Variants in SYNCRIP observed in about 807,000 individuals in gnomAD.
SYNCRIP encodes heterogeneous nuclear ribonucleoprotein Q.
Under a neutral mutation model 68.9 loss-of-function variants are expected in SYNCRIP, and 9 were observed. That is an observed-to-expected ratio of 0.13 (90% CI 0.08 to 0.23). SYNCRIP has a LOEUF of 0.23. SYNCRIP is among the 10% of genes least tolerant of loss of function. The pLI is 1.00. For synonymous variants in SYNCRIP, 258 were observed against 254.0 expected, an observed-to-expected ratio of 1.02 and a Z score of -0.15; for missense variants, 414 against 770.6, an observed-to-expected ratio of 0.54 and a Z score of 5.48.
chr6:85,636,915 G>A (rs1808527422), intron 6 of SYNCRIP, 52 bp downstream of exon 6: 7 of 1,512,278 alleles, frequency 4.6e-6, no homozygotes, highest in Non-Finnish European at 5.3e-6. Context: ...AAAAAAACTT[G>A]ATATTAAAGA....
At chr6:85,620,044 C>T (rs748198893) in intron 8 of SYNCRIP, among the ~76,000 whole-genome samples, 16 of 152,050 alleles carry the variant, frequency 1.1e-4, no homozygotes, top group Non-Finnish European at 1.6e-4. Flanking sequence ...GTCAGGAGCT[C>T]GAGACCAGCC....
At chr6:85,627,801 G>GA (rs1807234643) in intron 6 of SYNCRIP, among the ~76,000 whole-genome samples, 1 of 152,114 alleles carries the variant, frequency 6.6e-6, no homozygotes, top group African/African-American at 2.4e-5. Flanking sequence ...GAACCAAATA[G>GA]AAAATGAAGA....
chr6:85,618,719 T>C, intron 10 of SYNCRIP, 99 bp downstream of exon 10: 1 of 984,338 alleles, frequency 1.0e-6, no homozygotes, highest in East Asian at 2.7e-5. Context: ...TTTAAAGAGA[T>C]GTTATGCATT....
intron 10 of SYNCRIP, among the ~76,000 whole-genome samples, chr6:85,617,762 C>T (rs149924721): frequency 5.3e-4 from 80 of 152,328 alleles, no homozygotes; most frequent in African/African-American, 1.9e-3. Context: ...CATCCTCTTC[C>T]TTTAAATTCC....
downstream of SYNCRIP, chr6:85,609,982 A>G (rs1056559486): frequency 6.6e-6 from 1 of 151,920 alleles, no homozygotes; most frequent in African/African-American, 2.4e-5. Context: ...ACATGTTGAC[A>G]TTTTTACTAA....
intron 6 of SYNCRIP, among the ~76,000 whole-genome samples, chr6:85,627,266 T>A (rs1473532115): frequency 7.4e-6 from 1 of 134,464 alleles, no homozygotes; most frequent in Non-Finnish European, 1.6e-5. Flanking sequence ...AGACTCCATC[T>A]CTACAAAAAA....
At chr6:85,638,643 A>G (rs1467607509) in intron 4 of SYNCRIP, among the ~76,000 whole-genome samples, 1 of 152,284 alleles carries the variant, frequency 6.6e-6, no homozygotes, top group African/African-American at 2.4e-5. Flanking sequence ...TTTCTACTCA[A>G]AGGACACTAA....
downstream of SYNCRIP, chr6:85,609,126 AT>A (rs1805049626): frequency 6.6e-6 from 1 of 151,896 alleles, no homozygotes; most frequent in East Asian, 1.9e-4. Context: ...CCAGATGAAA[AT>A]TTTGTGGTAT....
intron 8 of SYNCRIP, among the ~76,000 whole-genome samples, chr6:85,620,195 G>A (rs548866234): frequency 2.0e-5 from 3 of 152,292 alleles, no homozygotes; most frequent in Admixed American, 6.5e-5. Context: ...GCAGTAAGCC[G>A]AGATCGTGCC....
chr6:85,610,343 ACT>A (rs1347178074), downstream of SYNCRIP: 2 of 151,974 alleles, frequency 1.3e-5, no homozygotes, highest in East Asian at 1.9e-4. Flanking sequence ...TCAAATGAAC[ACT>A]GTCAAGTAAT....
At chr6:85,628,057 C>CT (rs911243786) in intron 6 of SYNCRIP, among the ~76,000 whole-genome samples, 38 of 149,384 alleles carry the variant, frequency 2.5e-4, no homozygotes, top group Non-Finnish European at 3.0e-4. Context: ...TTGAAGATTT[C>CT]TTTTTTTTTT....
intron 6 of SYNCRIP, among the ~76,000 whole-genome samples, chr6:85,633,688 T>C (rs192758396): frequency 0.017 from 2,587 of 152,192 alleles, 187 homozygotes; most frequent in Admixed American, 0.13. Flanking sequence ...ATTTTTTTTT[T>C]CCCCCTTTTT....
At chr6:85,612,092 TG>T (rs1805296832), downstream of SYNCRIP, 3 of 152,134 alleles carry the variant, frequency 2.0e-5, no homozygotes, top group Admixed American at 2.0e-4. Flanking sequence ...AAGCAAGGCC[TG>T]TTATGATGGT....
At chr6:85,639,476 T>C (rs117228923) in intron 4 of SYNCRIP, among the ~76,000 whole-genome samples, 1,682 of 152,244 alleles carry the variant, frequency 0.011, 21 homozygotes, top group Non-Finnish European at 0.018. Flanking sequence ...ATACCAACCT[T>C]TTCCATATTC....
At chr6:85,611,553 C>A (rs758872888), downstream of SYNCRIP, 1 of 152,456 alleles carries the variant, frequency 6.6e-6, no homozygotes, top group Non-Finnish European at 1.5e-5. Flanking sequence ...TACACCAAGT[C>A]CTAATGAAAC....
Position 85,614,170 on chromosome 6 carries a change from G to T in SYNCRIP, c.*586C>A. On this transcript the variant is annotated 3_prime_UTR_variant, in exon 11 of 11. Transcript: ENST00000369622. Reference sequence around the variant, plus strand: ...TATACAATTTGAACCAAATTTGCAGGAAATTTTGTGAAAAACGAATTGTAA... The same window carrying T: ...TATACAATTTGAACCAAATTTGCAGTAAATTTTGTGAAAAACGAATTGTAA... The T allele has an allele frequency of 1.0e-6, 1 of 985,786 alleles. No homozygotes were observed. Among genetic ancestry groups the T allele is most frequent in the Non-Finnish European group, 1.2e-6 (1 of 829,908 alleles). 61.1% of individuals were successfully genotyped at this position (985,786 alleles called of 1,614,324 possible).
intron 7 of SYNCRIP, among the ~76,000 whole-genome samples, chr6:85,623,581 A>AAAAAAAAAAAC (rs1562087833): frequency 2.0e-5 from 3 of 150,912 alleles, no homozygotes; most frequent in African/African-American, 2.4e-5. Context: ...AAAAAAAAAA[A>AAAAAAAAAAAC]AACACTCTGC....
chr6:85,635,778 A>C (rs1808367521), intron 6 of SYNCRIP, among the ~76,000 whole-genome samples: 2 of 117,886 alleles, frequency 1.7e-5, no homozygotes, highest in African/African-American at 8.8e-5. Context: ...ATCTCCCAAA[A>C]AAAAAAAAAA....
At chr6:85,641,957 C>T (rs1209957343) in intron 1 of SYNCRIP, among the ~76,000 whole-genome samples, 1 of 152,212 alleles carries the variant, frequency 6.6e-6, no homozygotes, top group African/African-American at 2.4e-5. Context: ...CCAAAGCCCG[C>T]CCCTGACTCC....
Sources: gnomAD v4.1 joint callset for allele counts (sites outside exome capture counted in the v4.1 genomes callset) on GRCh38, gnomAD v4.1.1 for gene constraint, MANE v1.5 for transcripts, NCBI Gene and HGNC (gene_info 2026-07-23, HGNC 2026-07-21) for gene names.